Variants in IL1RAPL1 observed in about 807,000 individuals in gnomAD.
IL1RAPL1 encodes the protein interleukin 1 receptor accessory protein like 1, also known as interleukin-1 receptor accessory protein-like 1.
A neutral mutation model predicts 48.4 loss-of-function variants in IL1RAPL1; 3 were observed. That is an observed-to-expected ratio of 0.06 (90% CI 0.03 to 0.16). The LOEUF is 0.16. Ranked by LOEUF, IL1RAPL1 falls within the 10% of genes least tolerant of loss-of-function variation. IL1RAPL1 has a pLI of 1.00. For synonymous variants in IL1RAPL1, 185 were observed against 187.7 expected (o/e 0.99, Z 0.12); for missense variants, 349 against 530.6 (o/e 0.66, Z 3.36).
At chrX:28,857,825 C>T (rs1921842351) in intron 2 of IL1RAPL1, among the ~76,000 whole-genome samples, 1 of 111,892 alleles carries the variant, frequency 8.9e-6, no homozygotes, top group Non-Finnish European at 1.9e-5. Flanking sequence ...TGTGATTTTT[C>T]AAGTATTATC....
At chrX:28,593,110 A>T (rs1933921357) in intron 1 of IL1RAPL1, among the ~76,000 whole-genome samples, 1 of 111,753 alleles carries the variant, frequency 8.9e-6, no homozygotes, top group Non-Finnish European at 1.9e-5. Context: ...CAGTCCAACC[A>T]CATGGCTCAG....
chrX:29,138,473 A>G (rs182333940), intron 2 of IL1RAPL1, among the ~76,000 whole-genome samples: 1 of 111,866 alleles, frequency 8.9e-6, no homozygotes, highest in Non-Finnish European at 1.9e-5. Flanking sequence ...ATTAATATTT[A>G]AAAACATTAG....
At chrX:29,228,495 C>G (rs1453627677) in intron 2 of IL1RAPL1, among the ~76,000 whole-genome samples, 1 of 107,588 alleles carries the variant, frequency 9.3e-6, no homozygotes, top group Non-Finnish European at 1.9e-5. Flanking sequence ...GCTGGGATTA[C>G]AGATGCGTGC....
chrX:28,844,008 C>T (rs1921443023), intron 2 of IL1RAPL1, among the ~76,000 whole-genome samples: 1 of 109,559 alleles, frequency 9.1e-6, no homozygotes, highest in South Asian at 4.0e-4. Flanking sequence ...CTATTGAGCT[C>T]CCTGCTGCCT....
chrX:29,671,525 TA>T (rs1006347659), intron 6 of IL1RAPL1, among the ~76,000 whole-genome samples: 2 of 111,932 alleles, frequency 1.8e-5, no homozygotes, highest in Admixed American at 1.9e-4. Context: ...TTTCTAAATG[TA>T]AAAAAAAGAA....
chrX:29,503,139 T>C lies in IL1RAPL1; in HGVS notation c.703+103831T>C, dbSNP rs373286256. Among the ~76,000 whole-genome samples, 4 of 112,276 alleles carry C rather than the reference T, an allele frequency of 3.6e-5. No homozygotes were observed. The East Asian group carries it at 8.3e-4, about 23-fold the overall frequency. On this transcript the variant is annotated intron_variant, in intron 5 of 10. Coordinates refer to ENST00000378993, the MANE Select transcript of IL1RAPL1 (RefSeq NM_014271.4). Reference sequence around the variant, plus strand: ...TGTATTTTTGTGGTCTCAATTGTTATGTTTTCTTTTTGGTTCCTGATTTTA... The same window carrying C: ...TGTATTTTTGTGGTCTCAATTGTTACGTTTTCTTTTTGGTTCCTGATTTTA...
At chrX:29,569,467 T>C in intron 5 of IL1RAPL1, among the ~76,000 whole-genome samples, 1 of 111,383 alleles carries the variant, frequency 9.0e-6, no homozygotes, top group South Asian at 3.8e-4. Context: ...CCTTATATTT[T>C]TTGAGTGTTC....
intron 6 of IL1RAPL1, among the ~76,000 whole-genome samples, chrX:29,745,445 T>G (rs1338189034): frequency 2.4e-5 from 2 of 83,180 alleles, no homozygotes; most frequent in African/African-American, 9.0e-5. Flanking sequence ...TTTTTTTTTT[T>G]TTTTTTTTTT....
At chrX:28,955,202 G>A (rs187653778) in intron 2 of IL1RAPL1, among the ~76,000 whole-genome samples, 123 of 111,507 alleles carry the variant, frequency 1.1e-3, no homozygotes, top group African/African-American at 3.8e-3. Context: ...ACACGTGACA[G>A]GAATGGATTA....
intron 2 of IL1RAPL1, among the ~76,000 whole-genome samples, chrX:29,279,019 C>T (rs148278613): frequency 1.3e-3 from 146 of 112,420 alleles, no homozygotes; most frequent in African/African-American, 4.6e-3. Context: ...TGAGAGAGAA[C>T]ATGTGTGCAG....
intron 2 of IL1RAPL1, among the ~76,000 whole-genome samples, chrX:29,019,903 C>T (rs758109956): frequency 2.7e-5 from 3 of 112,126 alleles, no homozygotes; most frequent in Non-Finnish European, 5.6e-5. Flanking sequence ...CTGACATATT[C>T]CATAGGGAAT....
intron 1 of IL1RAPL1, among the ~76,000 whole-genome samples, chrX:28,669,757 AATTT>A (rs1223264536): frequency 9.6e-6 from 1 of 104,563 alleles, no homozygotes; most frequent in Non-Finnish European, 1.9e-5. Flanking sequence ...TATCATATAT[AATTT>A]ATATATATAA....
intron 2 of IL1RAPL1, among the ~76,000 whole-genome samples, chrX:28,800,965 T>A (rs1472855440): frequency 9.2e-6 from 1 of 108,747 alleles, no homozygotes; most frequent in African/African-American, 3.4e-5. Flanking sequence ...CACTGCAACC[T>A]CCACCTCCAG....
chrX:28,836,366 CAGAG>C (rs764336117), intron 2 of IL1RAPL1, among the ~76,000 whole-genome samples: 14,317 of 91,422 alleles, frequency 0.16, 2,351 homozygotes, highest in African/African-American at 0.48. Context: ...ATATATATGA[CAGAG>C]AGAGAGAGAG....
At chrX:29,408,994 G>A in intron 5 of IL1RAPL1, among the ~76,000 whole-genome samples, 1 of 112,187 alleles carries the variant, frequency 8.9e-6, no homozygotes, top group African/African-American at 3.2e-5. Context: ...TGCCATGGAT[G>A]TAATTAAGCA....
intron 2 of IL1RAPL1, among the ~76,000 whole-genome samples, chrX:29,168,546 T>C (rs185663323): frequency 1.9e-4 from 10 of 53,768 alleles, no homozygotes; most frequent in Non-Finnish European, 3.4e-4. Context: ...GGCTGAATAG[T>C]ATTCAATTGT....
At chrX:29,257,200 A>T (rs971822652) in intron 2 of IL1RAPL1, among the ~76,000 whole-genome samples, 8 of 111,478 alleles carry the variant, frequency 7.2e-5, no homozygotes, top group Admixed American at 6.7e-4. Context: ...CAAGCCTAGT[A>T]TGTCTCTGAA....
At chrX:29,616,653 G>A (rs184639593) in intron 5 of IL1RAPL1, among the ~76,000 whole-genome samples, 1 of 110,539 alleles carries the variant, frequency 9.0e-6, no homozygotes, top group Non-Finnish European at 1.9e-5. Context: ...TACCAGGAGG[G>A]ATTCTTTAGG....
chrX:28,981,525 A>G (rs1925342162), intron 2 of IL1RAPL1, among the ~76,000 whole-genome samples: 1 of 112,009 alleles, frequency 8.9e-6, no homozygotes, highest in Non-Finnish European at 1.9e-5. Context: ...GTTTGAAGAT[A>G]TGATTTATTC....
Sources: gnomAD v4.1 joint callset for allele counts (sites outside exome capture counted in the v4.1 genomes callset) on GRCh38, gnomAD v4.1.1 for gene constraint, MANE v1.5 for transcripts, NCBI Gene and HGNC (gene_info 2026-07-23, HGNC 2026-07-21) for gene names.